NAP1L1: variants seen among roughly 807,000 people sequenced by gnomAD.
The protein encoded by NAP1L1 is nucleosome assembly protein 1-like 1.
A neutral mutation model predicts 58.9 loss-of-function variants in NAP1L1; 9 were observed. That is an observed-to-expected ratio of 0.15 (90% CI 0.09 to 0.27). The LOEUF is 0.27. Ranked by LOEUF, NAP1L1 falls within the 10% of genes least tolerant of loss-of-function variation. The probability of loss-of-function intolerance (pLI) is 1.00; values close to 1 mark genes in which losing one functional copy is unlikely to be tolerated. For synonymous variants in NAP1L1, 130 were observed against 138.3 expected (o/e 0.94, Z 0.42); for missense variants, 302 against 458.8 (o/e 0.66, Z 3.12).
Position 76,039,588 on chromosome 12 carries a change from C to CT in NAP1L1, c.*8840dup, listed in dbSNP as rs1372296300. 6.6e-6 allele frequency: 1 copy of CT among 152,196 alleles called. No homozygotes were observed. The highest frequency in any genetic ancestry group is 2.4e-5 in the African/African-American group (1 of 41,452). The allele number at this position is 152,196 out of a possible 1,614,324, so 9.4% of individuals were successfully genotyped here. ...ATGAAATCTAGATTAACTCTGGTCT[C>CT]TAAAATATTTCATCTCTGAAAGCTC... is the stretch of plus-strand genomic sequence containing the variant. On this transcript the variant is annotated 3_prime_UTR_variant, in exon 15 of 15. Transcript: ENST00000618691.
At chr12:76,066,794 C>T (rs562164969) in intron 4 of NAP1L1, among the ~76,000 whole-genome samples, 3 of 152,074 alleles carry the variant, frequency 2.0e-5, no homozygotes, top group African/African-American at 7.2e-5. Flanking sequence ...GCTGAGCACA[C>T]ATCTCAAAGA....
At chr12:76,049,284 T>G (rs746622836) in intron 13 of NAP1L1, 34 bp from the exon 14 acceptor site, 26 of 1,612,880 alleles carry the variant, frequency 1.6e-5, no homozygotes, top group Non-Finnish European at 2.2e-5. Context: ...CCATGAAGTA[T>G]GTACATAGTA....
chr12:76,054,961 T>C lies in NAP1L1; in HGVS notation c.630+58A>G, dbSNP rs1949013146. 8.8e-6 allele frequency: 11 copies of C among 1,254,204 alleles called. No individual in the cohort carries two copies. The Admixed American group carries it at 1.9e-4, about 22-fold the overall frequency. 77.7% of individuals were successfully genotyped at this position (1,254,204 alleles called of 1,614,324 possible). On this transcript the variant is annotated intron_variant, in intron 8 of 14. Transcript: ENST00000618691. The stretch of plus-strand genomic sequence containing the variant: ...CTTGAATGTTATCTTTTTAAAAGCT[T>C]CTATTTATCTACCTGTAAGCATGTT...
At chr12:76,067,261 A>T (rs529867503) in intron 4 of NAP1L1, 110 bp downstream of exon 4, 1 of 795,410 alleles carries the variant, frequency 1.3e-6, no homozygotes, top group Non-Finnish European at 2.0e-6. Context: ...GGATACTAAC[A>T]GACAATAGGT....
chr12:76,053,855 G>A lies in NAP1L1; in HGVS notation c.685C>T (p.Leu229=), dbSNP rs760002205. Residue 229 remains leucine (L), a synonymous_variant, in exon 9 of 15, where the codon CTG becomes TTG. Coordinates refer to ENST00000618691, the MANE Select transcript of NAP1L1 (RefSeq NM_004537.7). ...GACCTCATCCTGTATGTCTTTGTCA[G>A]CACTTCATTTGTAAAATATTCATTG... The part of the protein sequence containing the change: ...EPNEYFTNEV[L]TKTYRMRSEP... 7 of 1,590,720 alleles carry A rather than the reference G, an allele frequency of 4.4e-6. No homozygotes were observed. Among genetic ancestry groups the A allele is most frequent in the South Asian group, 1.2e-5 (1 of 86,078 alleles).
At chr12:76,051,284 C>T (rs963523469) in intron 11 of NAP1L1, among the ~76,000 whole-genome samples, 17 of 151,100 alleles carry the variant, frequency 1.1e-4, no homozygotes, top group Admixed American at 3.3e-4. Flanking sequence ...GTTACATGTC[C>T]GCAATTTTCC....
At chr12:76,070,203 A>G (rs1375179184) in intron 2 of NAP1L1, among the ~76,000 whole-genome samples, 1 of 151,922 alleles carries the variant, frequency 6.6e-6, no homozygotes, top group Non-Finnish European at 1.5e-5. Flanking sequence ...GCTCACTGCA[A>G]CCTCTGCCCC....
chr12:76,057,029 A>C, intron 6 of NAP1L1: 1 of 198,816 alleles, frequency 5.0e-6, no homozygotes, highest in Non-Finnish European at 1.0e-5. Context: ...ACAGTGGCTC[A>C]GTGGTTCAAG....
chr12:76,053,165 A>G (rs746338037), intron 10 of NAP1L1, 40 bp downstream of exon 10: 2 of 1,612,374 alleles, frequency 1.2e-6, no homozygotes, highest in South Asian at 2.2e-5. Flanking sequence ...AATGCTTTTT[A>G]TAAAACAACC....
intron 9 of NAP1L1, 31 bp downstream of exon 9, chr12:76,053,739 C>A: frequency 6.3e-7 from 1 of 1,592,836 alleles, no homozygotes; most frequent in Non-Finnish European, 8.5e-7. Context: ...ACAGAAAAAA[C>A]ATTTTGTTAA....
intron 11 of NAP1L1, 33 bp from the exon 12 acceptor site, chr12:76,050,686 T>C (rs1948774610): frequency 6.3e-7 from 1 of 1,589,610 alleles, no homozygotes; most frequent in Non-Finnish European, 8.5e-7. Context: ...GCAGAAAATT[T>C]AGGAATAACT....
At chr12:76,063,506 C>T (rs945624087) in intron 4 of NAP1L1, among the ~76,000 whole-genome samples, 9 of 152,072 alleles carry the variant, frequency 5.9e-5, no homozygotes, top group Non-Finnish European at 8.8e-5. Flanking sequence ...AATAAAGAAG[C>T]AAACATTGAG....
chr12:76,077,980 C>CAAA (rs58558132), intron 1 of NAP1L1, among the ~76,000 whole-genome samples: 1,039 of 65,546 alleles, frequency 0.016, 26 homozygotes, highest in Middle Eastern at 0.022. Flanking sequence ...GACCCTGTCT[C>CAAA]AAAAAAAAAA....
chr12:76,054,380 T>TA (rs1948979922), intron 8 of NAP1L1, among the ~76,000 whole-genome samples: 1 of 152,066 alleles, frequency 6.6e-6, no homozygotes, highest in African/African-American at 2.4e-5. Flanking sequence ...CAAATTATGT[T>TA]AAAATCAAAA....
rs1948667285 is a variant in NAP1L1 at position 76,048,281 on chromosome 12, T to C, written c.*148A>G. ...TAGTTAAAATGCTAGGTAGAACAAA[T>C]TGGTCTTTAAAATATCAGTTTCCTG... On this transcript the variant is annotated 3_prime_UTR_variant, in exon 15 of 15. Coordinates refer to ENST00000618691, the MANE Select transcript of NAP1L1 (RefSeq NM_004537.7). 1 of 777,110 alleles carries C rather than the reference T, an allele frequency of 1.3e-6. No homozygotes were observed. Among genetic ancestry groups the C allele is most frequent in the Non-Finnish European group, 2.0e-6 (1 of 488,998 alleles). The allele number at this position is 777,110 out of a possible 1,614,324, so 48.1% of individuals were successfully genotyped here. A position where few individuals can be genotyped will look rare whatever the true frequency, so the allele number is the denominator to read the frequency against.
chr12:76,050,394 A>T, intron 12 of NAP1L1, 137 bp downstream of exon 12: 1 of 1,064,390 alleles, frequency 9.4e-7, no homozygotes, highest in Non-Finnish European at 1.3e-6. Flanking sequence ...CAGAAAAGCT[A>T]TATACAGAAC....
chr12:76,074,169 A>G (rs1950088808), intron 2 of NAP1L1, 34 bp downstream of exon 2: 1 of 1,519,018 alleles, frequency 6.6e-7, no homozygotes, highest in Admixed American at 1.7e-5. Flanking sequence ...GTGATGCCAA[A>G]TCTCTGAAAA....
intron 2 of NAP1L1, among the ~76,000 whole-genome samples, chr12:76,069,499 TC>T (rs1470721109): frequency 6.6e-6 from 1 of 151,970 alleles, no homozygotes; most frequent in Non-Finnish European, 1.5e-5. Flanking sequence ...TTAATCCCTC[TC>T]CCCCTCCCAC....
intron 4 of NAP1L1, among the ~76,000 whole-genome samples, chr12:76,063,881 T>TAAAAA (rs10693123): frequency 2.9e-5 from 4 of 137,492 alleles, no homozygotes; most frequent in Non-Finnish European, 3.1e-5. Flanking sequence ...GTTAAAAGTT[T>TAAAAA]AAAAAAAAAA....
Sources: gnomAD v4.1 joint callset for allele counts (sites outside exome capture counted in the v4.1 genomes callset) on GRCh38, gnomAD v4.1.1 for gene constraint, MANE v1.5 for transcripts, NCBI Gene and HGNC (gene_info 2026-07-23, HGNC 2026-07-21) for gene names.